DNAH14: variants seen among roughly 807,000 people sequenced by gnomAD.
The protein encoded by DNAH14 is dynein axonemal heavy chain 14.
DNAH14 carries 478 observed loss-of-function variants against 520.9 expected under a neutral mutation model. The observed-to-expected ratio is 0.92, with a 90% CI of 0.85 to 0.99. The LOEUF (loss-of-function observed/expected upper bound fraction) is 0.99. Ranked by LOEUF, DNAH14 falls within the 50% of genes least tolerant of loss-of-function variation. The pLI, the probability that DNAH14 is intolerant of heterozygous loss-of-function variation, is 0.00. For synonymous variants in DNAH14, 1,581 were observed against 1,757.2 expected, an observed-to-expected ratio of 0.90 and a Z score of 2.51; for missense variants, 4,831 against 5,234.5, an observed-to-expected ratio of 0.92 and a Z score of 2.38.
Position 225,390,784 on chromosome 1 carries a change from T to C in DNAH14, c.13330+911T>C, listed in dbSNP as rs567012401. Among the ~76,000 whole-genome samples the C allele has an allele frequency of 8.5e-5, 13 of 152,310 alleles. No homozygotes were observed. The South Asian group carries it at 2.5e-3, about 29-fold the overall frequency. ...TATAAATTAAGTCATTTAAGTCTCA[T>C]GACAATCTTATGAGGTTGTTCCTGT... On this transcript the variant is annotated intron_variant, in intron 83 of 85. Transcript: ENST00000682510.
In DNAH14 at chr1:225,140,863, T is replaced by C. The variant is rs758644939; in HGVS notation, c.4350T>C (p.His1450=). 2.6e-6 allele frequency: 4 copies of C among 1,551,138 alleles called. No individual in the cohort carries two copies. The highest frequency in any genetic ancestry group is 3.5e-6 in the Non-Finnish European group (4 of 1,146,922). The change falls in exon 28 of 86, where the codon CAT becomes CAC. Residue 1450 remains histidine (H), a synonymous_variant. Coordinates refer to ENST00000682510, the MANE Select transcript of DNAH14 (RefSeq NM_001367479.1). The part of the protein sequence containing the change: ...LEKVHAGLMC[H]LEEVADLVVL... ...AAGTCCACGCTGGTCTGATGTGTCA[T>C]CTAGAAGAGGTTGCAGACCTGGTAG... is the stretch of plus-strand genomic sequence containing the variant.
At chr1:225,049,401 G>T (rs2068288060) in intron 15 of DNAH14, among the ~76,000 whole-genome samples, 1 of 151,544 alleles carries the variant, frequency 6.6e-6, no homozygotes, top group Non-Finnish European at 1.5e-5. Flanking sequence ...TCTTATTGTT[G>T]GTTTGTGAGA....
At chr1:225,045,769 T>TACC (rs1199738788) in intron 15 of DNAH14, among the ~76,000 whole-genome samples, 3 of 152,104 alleles carry the variant, frequency 2.0e-5, no homozygotes, top group Non-Finnish European at 4.4e-5. Context: ...ACCACTTAGT[T>TACC]AAAGTCATGT....
intron 83 of DNAH14, 34 bp downstream of exon 83, chr1:225,389,907 G>T (rs747102422): frequency 1.0e-5 from 16 of 1,546,202 alleles, no homozygotes; most frequent in Non-Finnish European, 1.2e-5. Context: ...CTCCAGACCT[G>T]GCCCAGGCAA....
At chr1:224,982,009 A>G (rs2125699881) in intron 8 of DNAH14, among the ~76,000 whole-genome samples, 1 of 152,266 alleles carries the variant, frequency 6.6e-6, no homozygotes, top group South Asian at 2.1e-4. Context: ...AATACTAGGG[A>G]CAATAGAGGC....
rs562927191 is a variant in DNAH14 at position 224,999,186 on chromosome 1, G to A, written c.831-3597G>A. Among the ~76,000 whole-genome samples the A allele has an allele frequency of 2.7e-4, 41 of 151,918 alleles. No homozygotes were observed. In the South Asian group the frequency reaches 8.5e-3, roughly 32 times the overall value. On this transcript the variant is annotated intron_variant, in intron 8 of 85. Coordinates refer to ENST00000682510, the MANE Select transcript of DNAH14 (RefSeq NM_001367479.1). ...TACAGACAGCATATAGTTGTGCCATGGATTTTTTTGTTTGTTTTTTTGTTT... is the reference window on the plus strand; with the variant it reads ...TACAGACAGCATATAGTTGTGCCATAGATTTTTTTGTTTGTTTTTTTGTTT...
chr1:225,096,995 C>A lies in DNAH14; in HGVS notation c.3574-123C>A, dbSNP rs148563086. 170 of 822,916 alleles carry A rather than the reference C, an allele frequency of 2.1e-4. 1 individual carries two copies. The East Asian group carries it at 4.2e-3, about 20-fold the overall frequency. The allele number at this position is 822,916 out of a possible 1,614,324, so 51.0% of individuals were successfully genotyped here. ...GATCTGTATTCATTTATGTGACTTT[C>A]TATTAATTATTTTCTGTATGTCAAT... On this transcript the variant is annotated intron_variant, in intron 21 of 85. Transcript: ENST00000682510.
chr1:225,267,533 G>A (rs551001561), intron 49 of DNAH14, among the ~76,000 whole-genome samples: 83 of 151,964 alleles, frequency 5.5e-4, no homozygotes, highest in African/African-American at 1.6e-3. Flanking sequence ...CTCGTGATCC[G>A]CCTGCCTCGG....
intron 41 of DNAH14, among the ~76,000 whole-genome samples, chr1:225,225,230 C>T (rs546442210): frequency 6.6e-6 from 1 of 152,308 alleles, no homozygotes; most frequent in South Asian, 2.1e-4. Context: ...CCCTAGAGGA[C>T]TAGAACCTAA....
chr1:225,068,767 G>A (rs2148474500), intron 17 of DNAH14, among the ~76,000 whole-genome samples: 1 of 152,240 alleles, frequency 6.6e-6, no homozygotes, highest in South Asian at 2.1e-4. Flanking sequence ...TTGGTGTATA[G>A]GAATGCTAGT....
chr1:225,013,070 G>T (rs1301946303), intron 10 of DNAH14, among the ~76,000 whole-genome samples: 1 of 152,114 alleles, frequency 6.6e-6, no homozygotes, highest in Non-Finnish European at 1.5e-5. Context: ...TTCAGCCTTG[G>T]TGCGCTGGAT....
At chr1:225,145,574 G>A (rs1164848341) in intron 30 of DNAH14, among the ~76,000 whole-genome samples, 195 bp downstream of exon 30, 2 of 152,040 alleles carry the variant, frequency 1.3e-5, no homozygotes, top group East Asian at 1.9e-4. Context: ...AAACATATAC[G>A]ATGCTTTTAT....
At chr1:225,077,360 A>G (rs1224937416) in intron 17 of DNAH14, among the ~76,000 whole-genome samples, 1 of 152,100 alleles carries the variant, frequency 6.6e-6, no homozygotes, top group Non-Finnish European at 1.5e-5. Context: ...TTCTTTTACC[A>G]TCCTTATCTG....
intron 37 of DNAH14, among the ~76,000 whole-genome samples, chr1:225,186,083 C>T (rs1394902181): frequency 2.0e-5 from 3 of 150,616 alleles, no homozygotes; most frequent in Admixed American, 1.3e-4. Context: ...TTGCATAGTG[C>T]CTACTTAGTC....
intron 3 of DNAH14, among the ~76,000 whole-genome samples, chr1:224,958,142 T>A (rs774177406): frequency 2.5e-4 from 38 of 152,084 alleles, no homozygotes; most frequent in Admixed American, 1.7e-3. Flanking sequence ...CACTGATGCT[T>A]TTTTTGTTCC....
intron 15 of DNAH14, among the ~76,000 whole-genome samples, chr1:225,048,994 G>C (rs1028187212): frequency 6.9e-6 from 1 of 144,356 alleles, no homozygotes; most frequent in Non-Finnish European, 1.5e-5. Flanking sequence ...TATTATGCTA[G>C]TTTTCCATCT....
At chr1:225,147,393 C>T in intron 31 of DNAH14, 144 bp downstream of exon 31, 1 of 756,992 alleles carries the variant, frequency 1.3e-6, no homozygotes, top group Non-Finnish European at 1.9e-6. Context: ...AAAGGAATGG[C>T]AGTTACCTTG....
intron 83 of DNAH14, among the ~76,000 whole-genome samples, chr1:225,390,762 A>G (rs1001350554): frequency 1.3e-5 from 2 of 152,222 alleles, no homozygotes; most frequent in African/African-American, 4.8e-5. Flanking sequence ...GATTTTATAT[A>G]AATTAAGTCA....
chr1:225,018,100 A>T (rs991467496), intron 10 of DNAH14, among the ~76,000 whole-genome samples: 1 of 152,210 alleles, frequency 6.6e-6, no homozygotes, highest in Non-Finnish European at 1.5e-5. Flanking sequence ...TTAATTCAGA[A>T]TCTGAATGGC....
Sources: allele counts gnomAD v4.1 joint callset (sites outside exome capture counted in the v4.1 genomes callset), GRCh38; gene constraint gnomAD v4.1.1; transcripts MANE v1.5; gene names NCBI Gene and HGNC (gene_info 2026-07-23, HGNC 2026-07-21).